The following ITPRID2 variants were observed in gnomAD, a reference collection of about 807,000 sequenced individuals.
The protein encoded by ITPRID2 is ITPR interacting domain containing 2.
Under a neutral mutation model 124.3 loss-of-function variants are expected in ITPRID2, and 60 were observed. That is an observed-to-expected ratio of 0.48 (90% CI 0.39 to 0.60). The LOEUF (loss-of-function observed/expected upper bound fraction) is 0.60, where lower values mean the gene tolerates loss of function less well. ITPRID2 is among the 20% of genes least tolerant of loss of function. The pLI is 0.00. For missense variants in ITPRID2, 1,553 were observed against 1,512.2 expected, an observed-to-expected ratio of 1.03 and a Z score of -0.45; for synonymous variants, 521 against 542.9, an observed-to-expected ratio of 0.96 and a Z score of 0.56.
chr2:181,910,043 G>T lies in ITPRID2; in HGVS notation c.1486+72G>T. 8.5e-7 allele frequency: 1 copy of T among 1,174,894 alleles called. No homozygotes were observed. The highest frequency in any genetic ancestry group is 1.3e-6 in the Non-Finnish European group (1 of 796,402). The allele number at this position is 1,174,894 out of a possible 1,614,324, so 72.8% of individuals were successfully genotyped here. ...AGTTGATTTGGAAAAGGGGTTTTAT[G>T]TATCAGTATTTGTAGTATTTATGAG... On this transcript the variant is annotated intron_variant, in intron 9 of 17. Coordinates refer to ENST00000431877, the MANE Select transcript of ITPRID2 (RefSeq NM_001130445.3). This position sits in a 1 kb window ranked among gnomAD's most constrained non-coding sequence, Gnocchi z 4.1.
chr2:181,902,002 C>T lies in ITPRID2; in HGVS notation c.949C>T (p.Pro317Ser), dbSNP rs765715895. The T allele has an allele frequency of 6.2e-7, 1 of 1,613,768 alleles. No individual in the cohort carries two copies. The highest frequency in any genetic ancestry group is 8.5e-7 in the Non-Finnish European group (1 of 1,179,872). The part of the protein sequence containing the change: ...DKTEKGESSS[P>S]SPSAEKGKIL... Reference sequence around the variant, plus strand: ...AACAGAGAAAGGAGAAAGTAGTAGTCCTTCTCCATCAGCTGAAAAAGGAAA... The same window carrying T: ...AACAGAGAAAGGAGAAAGTAGTAGTTCTTCTCCATCAGCTGAAAAAGGAAA... Residue 317 changes from proline (P) to serine (S), a missense_variant, in exon 8 of 18, where the codon CCT becomes TCT. Transcript: ENST00000431877. This position sits in a 1 kb window ranked among gnomAD's most constrained non-coding sequence, Gnocchi z 4.4.
In ITPRID2 at chr2:181,916,394, T is replaced by C. The variant is rs554675970; in HGVS notation, c.2754T>C (p.His918=). The C allele has an allele frequency of 1.2e-6, 2 of 1,614,142 alleles. No homozygotes were observed. The highest frequency in any genetic ancestry group is 2.2e-5 in the East Asian group (1 of 44,876). ...AAATGCAGTTGCGAAGAGTATTACA[T>C]GATATTAGAAACTCACTGCAGAATC... The part of the protein sequence containing the change: ...AIEMQLRRVL[H]DIRNSLQNLS... The change falls in exon 11 of 18, where the codon CAT becomes CAC. Residue 918 remains histidine, a synonymous_variant. Transcript: ENST00000431877.
chr2:181,900,920 G>A lies in ITPRID2; in HGVS notation c.712+16G>A. 1 of 1,570,752 alleles carries A rather than the reference G, an allele frequency of 6.4e-7. No individual in the cohort carries two copies. The highest frequency in any genetic ancestry group is 2.3e-5 in the East Asian group (1 of 44,364). On this transcript the variant is annotated intron_variant, in intron 7 of 17. Coordinates refer to ENST00000431877, the MANE Select transcript of ITPRID2 (RefSeq NM_001130445.3). ...GCTTTAACAAGTAAGATTTTTAAGT[G>A]TTAGGCATATTATTTTCTTAAATTA...
At position 181,929,576 on chromosome 2, in the gene ITPRID2, A is replaced by C. The variant is rs150730378; in HGVS notation, c.*29A>C. On this transcript the variant is annotated 3_prime_UTR_variant, in exon 18 of 18. Coordinates refer to ENST00000431877, the MANE Select transcript of ITPRID2 (RefSeq NM_001130445.3). ...CTTTTTTAAGGTTGGCATGGATCCT[A>C]TTAGCTGTGTAATACTGGAATTATC... 7 of 1,612,308 alleles carry C rather than the reference A, an allele frequency of 4.3e-6. No homozygotes were observed. Among genetic ancestry groups the C allele is most frequent in the Admixed American group, 1.7e-5 (1 of 59,930 alleles).
At position 181,900,778 on chromosome 2, in the gene ITPRID2, A is replaced by G; in HGVS notation, c.586A>G (p.Ile196Val). Residue 196 changes from isoleucine (I) to valine (V), a missense_variant, in exon 7 of 18, where the codon ATT (isoleucine) becomes GTT (valine). By Grantham distance (29) the Ile-to-Val change is conservative. Transcript: ENST00000431877. ...NLGFGRDEPD[I>V]ASKIPSRFFN... ...TGGATTTGGACGTGATGAACCAGAT[A>G]TTGCTTCTAAAATTCCTTCCAGATT... 1.2e-6 allele frequency: 2 copies of G among 1,613,382 alleles called. No individual in the cohort carries two copies. The highest frequency in any genetic ancestry group is 2.2e-5 in the South Asian group (2 of 90,998).
At position 181,916,265 on chromosome 2, in the gene ITPRID2, G is replaced by A; in HGVS notation, c.2625G>A (p.Gly875=). The A allele has an allele frequency of 6.2e-7, 1 of 1,614,094 alleles. No homozygotes were observed. Among genetic ancestry groups the A allele is most frequent in the Non-Finnish European group, 8.5e-7 (1 of 1,180,014 alleles). The part of the protein sequence containing the change: ...LSTHSVPNIS[G]ATCSAFASPF... ...CTCACAGTGTTCCCAACATATCAGG[G>A]GCTACTTGTAGTGCCTTCGCTTCCC... The change falls in exon 11 of 18, where the codon GGG becomes GGA. Residue 875 remains glycine, a synonymous_variant. Coordinates refer to ENST00000431877, the MANE Select transcript of ITPRID2 (RefSeq NM_001130445.3).
intron 15 of ITPRID2, 87 bp downstream of exon 15, chr2:181,920,749 G>T: frequency 1.0e-6 from 1 of 981,826 alleles, no homozygotes; most frequent in Non-Finnish European, 1.6e-6. Context: ...TGAAATATAT[G>T]TTTATTTTAA....
chr2:181,896,217 G>A lies in ITPRID2; in HGVS notation c.307+138G>A. 1 of 733,132 alleles carries A rather than the reference G, an allele frequency of 1.4e-6. No homozygotes were observed. The highest frequency in any genetic ancestry group is 2.7e-5 in the East Asian group (1 of 36,982). The allele number at this position is 733,132 out of a possible 1,614,324, so 45.4% of individuals were successfully genotyped here. On this transcript the variant is annotated intron_variant, in intron 3 of 17. Coordinates refer to ENST00000431877, the MANE Select transcript of ITPRID2 (RefSeq NM_001130445.3). This position sits in a 1 kb window ranked among gnomAD's most constrained non-coding sequence, Gnocchi z 4.3. ...TGCTATTCTGAGCTAGAAGCAAAAT[G>A]GAGAAACTTTGTTATAAACCGTAAA...
intron 7 of ITPRID2, 150 bp from the exon 8 acceptor site, chr2:181,901,616 G>A: frequency 1.9e-6 from 1 of 512,922 alleles, no homozygotes; most frequent in South Asian, 6.5e-5. Context: ...TGTAGAGAAG[G>A]TTTAAGTGTT....
rs1270383621 is a variant in ITPRID2, at chr2:181,915,765, A to C, written c.2125A>C (p.Arg709=). Residue 709 remains arginine (R), a synonymous_variant, in exon 11 of 18, where the codon AGG becomes CGG. Coordinates refer to ENST00000431877, the MANE Select transcript of ITPRID2 (RefSeq NM_001130445.3). ...QMKVCSLSNQ[R]MGRSLLKSKD... ...GAAGGTTTGCAGTCTGTCTAATCAAAGGATGGGGCGTAGCCTGCTAAAATC... is the reference window on the plus strand; with the variant it reads ...GAAGGTTTGCAGTCTGTCTAATCAACGGATGGGGCGTAGCCTGCTAAAATC... 6.2e-7 allele frequency: 1 copy of C among 1,614,142 alleles called. No homozygotes were observed. The highest frequency in any genetic ancestry group is 2.2e-5 in the East Asian group (1 of 44,880).
intron 17 of ITPRID2, 105 bp downstream of exon 17, chr2:181,928,383 GT>G: frequency 1.6e-6 from 1 of 636,394 alleles, no homozygotes; most frequent in Non-Finnish European, 2.6e-6. Context: ...TAAATTTTGA[GT>G]TTTAGAATGT....
intron 11 of ITPRID2, 92 bp from the exon 12 acceptor site, chr2:181,918,506 T>C: frequency 2.6e-6 from 4 of 1,549,118 alleles, no homozygotes; most frequent in Non-Finnish European, 3.5e-6. Flanking sequence ...GAGAAAAATA[T>C]ATAGGCCCCA....
chr2:181,926,795 C>A (rs1694902961), intron 16 of ITPRID2, among the ~76,000 whole-genome samples: 1 of 151,714 alleles, frequency 6.6e-6, no homozygotes, highest in East Asian at 1.9e-4. Context: ...ATAAAATGGC[C>A]ATATTGCATT....
At chr2:181,897,016 AAAT>A (rs768632851) in intron 4 of ITPRID2, 52 bp downstream of exon 4, 10 of 1,500,504 alleles carry the variant, frequency 6.7e-6, no homozygotes, top group Non-Finnish European at 9.3e-6. Flanking sequence ...AATTTAAAAA[AAAT>A]GAGAAAGCTG....
intron 9 of ITPRID2, among the ~76,000 whole-genome samples, chr2:181,911,736 A>G (rs947762849): frequency 6.6e-6 from 1 of 152,222 alleles, no homozygotes; most frequent in African/African-American, 2.4e-5. Flanking sequence ...ATTGTGATTT[A>G]TGGTTTACAA....
At chr2:181,916,773 C>T (rs1399863665) in intron 11 of ITPRID2, 15 of 949,042 alleles carry the variant, frequency 1.6e-5, no homozygotes, top group Non-Finnish European at 1.9e-5. Flanking sequence ...AATCTTCCCT[C>T]TTAAAGTTCT....
At chr2:181,914,275 T>C (rs1230938480) in intron 10 of ITPRID2, among the ~76,000 whole-genome samples, 2 of 152,248 alleles carry the variant, frequency 1.3e-5, no homozygotes. Flanking sequence ...GTTTTGCCTA[T>C]TTAATAACTG....
At chr2:181,911,518 T>C (rs932637753) in intron 9 of ITPRID2, among the ~76,000 whole-genome samples, 15 of 152,208 alleles carry the variant, frequency 9.9e-5, no homozygotes, top group Admixed American at 2.0e-4. Flanking sequence ...AGAGAATAGA[T>C]AGACAGTTGT....
At position 181,918,771 on chromosome 2, in the gene ITPRID2, T is replaced by A. The variant is rs751263684; in HGVS notation, c.2882T>A (p.Leu961His). 1 of 1,614,032 alleles carries A rather than the reference T, an allele frequency of 6.2e-7. No homozygotes were observed. The highest frequency in any genetic ancestry group is 1.1e-5 in the South Asian group (1 of 91,026). The stretch of plus-strand genomic sequence containing the variant: ...GCATTCTAGAATACTTTTCAGGAGC[T>A]CCAGGTAATGAGGCGGAGCCTGAAT... ...LPLYENTFQE[L>H]QVMRRSLNLF... The change falls in exon 13 of 18, where the codon CTC (leucine) becomes CAC (histidine). Residue 961 changes from leucine to histidine, a missense_variant. Leu to His is a moderately conservative substitution (Grantham distance 99). Transcript: ENST00000431877.
Sources: allele counts gnomAD v4.1 joint callset (sites outside exome capture counted in the v4.1 genomes callset), GRCh38; gene constraint gnomAD v4.1.1; non-coding constraint Gnocchi (gnomAD v3.1); transcripts MANE v1.5; gene names NCBI Gene and HGNC (gene_info 2026-07-23, HGNC 2026-07-21).